KCNQ3: variants seen among roughly 807,000 people sequenced by gnomAD.
KCNQ3 encodes potassium voltage-gated channel subfamily Q member 3.
A neutral mutation model predicts 92.5 loss-of-function variants in KCNQ3; 30 were observed. The observed-to-expected ratio is 0.32, with a 90% CI of 0.24 to 0.44. The LOEUF is 0.44. KCNQ3 is among the 20% of genes least tolerant of loss of function. The pLI, the probability that KCNQ3 is intolerant of heterozygous loss-of-function variation, is 1.00. For missense variants in KCNQ3, 913 were observed against 1,140.3 expected (o/e 0.80, Z 2.87); for synonymous variants, 450 against 468.8 (o/e 0.96, Z 0.52).
chr8:132,411,668 C>T (rs1820656064), intron 1 of KCNQ3, among the ~76,000 whole-genome samples: 1 of 152,164 alleles, frequency 6.6e-6, no homozygotes, highest in African/African-American at 2.4e-5. Context: ...ACAAGGCCTC[C>T]TCCTGTCTCC....
At chr8:132,413,888 G>T (rs1020396776) in intron 1 of KCNQ3, among the ~76,000 whole-genome samples, 4 of 152,254 alleles carry the variant, frequency 2.6e-5, no homozygotes, top group South Asian at 2.1e-4. Flanking sequence ...GTTCTCACCC[G>T]CACGCCCACC....
At chr8:132,407,994 G>C (rs72721058) in intron 1 of KCNQ3, among the ~76,000 whole-genome samples, 5,027 of 152,120 alleles carry the variant, frequency 0.033, 108 homozygotes, top group Non-Finnish European at 0.052. Context: ...TCGCTGGGTG[G>C]GTAGCTCAGG....
chr8:132,427,674 C>A (rs1356235261), intron 1 of KCNQ3, among the ~76,000 whole-genome samples: 2 of 152,166 alleles, frequency 1.3e-5, no homozygotes, highest in African/African-American at 4.8e-5. Flanking sequence ...AAGGCCTATG[C>A]TGGGGCTCTG....
intron 1 of KCNQ3, among the ~76,000 whole-genome samples, chr8:132,235,614 T>C (rs967357841): frequency 3.3e-5 from 5 of 152,116 alleles, no homozygotes. Context: ...ATCCAGGAAA[T>C]TCACTAAAGC....
intron 1 of KCNQ3, among the ~76,000 whole-genome samples, chr8:132,311,710 G>T (rs1440023739): frequency 6.6e-6 from 1 of 152,196 alleles, no homozygotes; most frequent in Non-Finnish European, 1.5e-5. Flanking sequence ...TTAACTTAAA[G>T]TCAAAGGAAC....
At chr8:132,264,949 G>C (rs1815932403) in intron 1 of KCNQ3, among the ~76,000 whole-genome samples, 1 of 152,164 alleles carries the variant, frequency 6.6e-6, no homozygotes, top group Non-Finnish European at 1.5e-5. Context: ...GAAAAAGCAG[G>C]CATAGTAGAA....
At chr8:132,410,741 G>A (rs986930239) in intron 1 of KCNQ3, among the ~76,000 whole-genome samples, 3 of 152,250 alleles carry the variant, frequency 2.0e-5, no homozygotes, top group Non-Finnish European at 4.4e-5. Context: ...GATATGCTGA[G>A]TTCCCCCAAT....
At chr8:132,139,692 G>A (rs1340898890) in intron 11 of KCNQ3, among the ~76,000 whole-genome samples, 1 of 152,130 alleles carries the variant, frequency 6.6e-6, no homozygotes, top group Non-Finnish European at 1.5e-5. Context: ...AAACTATATG[G>A]ATGAAGTTAG....
intron 1 of KCNQ3, among the ~76,000 whole-genome samples, chr8:132,460,183 TG>T (rs1297751184): frequency 6.6e-6 from 1 of 152,190 alleles, no homozygotes; most frequent in Non-Finnish European, 1.5e-5. Flanking sequence ...TTGTGCAGAA[TG>T]GTTTTAGAAA....
At chr8:132,403,014 C>CCCAAAAAAAAAA (rs1554651745) in intron 1 of KCNQ3, among the ~76,000 whole-genome samples, 1 of 2,424 alleles carries the variant, frequency 4.1e-4, no homozygotes, top group African/African-American at 3.4e-3. Context: ...GAGGCACCAT[C>CCCAAAAAAAAAA]ACAAAAAAAA....
intron 1 of KCNQ3, among the ~76,000 whole-genome samples, chr8:132,259,557 C>T (rs1260872249): frequency 5.9e-5 from 9 of 152,086 alleles, no homozygotes; most frequent in East Asian, 1.9e-4. Flanking sequence ...TGGTAGTAAA[C>T]GACTGAATTC....
chr8:132,382,087 A>G (rs1162503811), intron 1 of KCNQ3, among the ~76,000 whole-genome samples: 1 of 152,266 alleles, frequency 6.6e-6, no homozygotes, highest in East Asian at 1.9e-4. Context: ...GCTGGCCAGA[A>G]GGCATACTGT....
chr8:132,194,205 T>C (rs1827242285), intron 1 of KCNQ3, among the ~76,000 whole-genome samples: 1 of 152,200 alleles, frequency 6.6e-6, no homozygotes, highest in Non-Finnish European at 1.5e-5. Flanking sequence ...AATTGAATTG[T>C]CTAAAAGACA....
chr8:132,341,271 G>A (rs914219405), intron 1 of KCNQ3, among the ~76,000 whole-genome samples: 3 of 152,200 alleles, frequency 2.0e-5, no homozygotes, highest in Admixed American at 2.0e-4. Flanking sequence ...AGTGGAAGAG[G>A]TATCTACTGG....
At chr8:132,264,070 G>A (rs1043106430) in intron 1 of KCNQ3, among the ~76,000 whole-genome samples, 2 of 152,174 alleles carry the variant, frequency 1.3e-5, no homozygotes, top group Admixed American at 6.5e-5. Context: ...TGGACACTGA[G>A]GTACAGTCCA....
chr8:132,203,818 G>A (rs1259013196), intron 1 of KCNQ3, among the ~76,000 whole-genome samples: 1 of 152,180 alleles, frequency 6.6e-6, no homozygotes, highest in African/African-American at 2.4e-5. Flanking sequence ...GTGCTTGATA[G>A]ATTTCAGGGA....
chr8:132,304,106 A>C (rs542451051), intron 1 of KCNQ3, among the ~76,000 whole-genome samples: 1 of 152,260 alleles, frequency 6.6e-6, no homozygotes, highest in African/African-American at 2.4e-5. Flanking sequence ...ACCTGTACAC[A>C]TGGACACAGA....
intron 1 of KCNQ3, among the ~76,000 whole-genome samples, chr8:132,247,099 T>G (rs1334493005): frequency 6.6e-6 from 1 of 152,248 alleles, no homozygotes; most frequent in South Asian, 2.1e-4. Flanking sequence ...CAGCATCCTG[T>G]GACTGCCTCA....
At chr8:132,431,327 T>C (rs1194548291) in intron 1 of KCNQ3, among the ~76,000 whole-genome samples, 2 of 152,210 alleles carry the variant, frequency 1.3e-5, no homozygotes. Flanking sequence ...CTGGAGGCAC[T>C]GGGGATGGTA....
Sources: allele counts gnomAD v4.1 joint callset (sites outside exome capture counted in the v4.1 genomes callset), GRCh38; gene constraint gnomAD v4.1.1; transcripts MANE v1.5; gene names NCBI Gene and HGNC (gene_info 2026-07-23, HGNC 2026-07-21).